Variants in MOG observed in about 807,000 individuals in gnomAD.
The protein encoded by MOG is myelin-oligodendrocyte glycoprotein.
MOG carries 20 observed loss-of-function variants against 35.9 expected under a neutral mutation model. That is an observed-to-expected ratio of 0.56 (90% CI 0.39 to 0.81). The LOEUF (loss-of-function observed/expected upper bound fraction) is 0.81, where lower values mean the gene tolerates loss of function less well. MOG is among the 30% of genes least tolerant of loss of function. The pLI is 0.00. For missense variants in MOG, 251 were observed against 301.0 expected (o/e 0.83, Z 1.23); for synonymous variants, 92 against 114.3 (o/e 0.80, Z 1.25).
rs967215111 is a variant in MOG, at chr6:29,662,688, G to A, written c.436+3022G>A. Reference sequence around the variant, plus strand: ...TTTCTTTTTATTTATTTTGAGACAGGATCTGTCTCTGTCACCCAGGCTGGA... The same window carrying A: ...TTTCTTTTTATTTATTTTGAGACAGAATCTGTCTCTGTCACCCAGGCTGGA... On this transcript the variant is annotated intron_variant, in intron 2 of 7. Coordinates refer to ENST00000376917, the MANE Select transcript of MOG (RefSeq NM_206809.4). The surrounding 1 kb of genome is among the most constrained non-coding windows in gnomAD (Gnocchi z 4.2). Among the ~76,000 whole-genome samples the A allele has an allele frequency of 3.3e-5, 5 of 151,842 alleles. No individual in the cohort carries two copies. Among genetic ancestry groups the A allele is most frequent in the Non-Finnish European group, 7.4e-5 (5 of 67,964 alleles).
intron 3 of MOG, among the ~76,000 whole-genome samples, chr6:29,666,844 CAGAGCAGGA>C (rs2127526080): frequency 6.6e-6 from 1 of 152,288 alleles, no homozygotes; most frequent in Non-Finnish European, 1.5e-5. Flanking sequence ...TCCCCAATGC[CAGAGCAGGA>C]AGAGTCTTCA....
rs1771409471 is a variant in MOG at position 29,671,293 on chromosome 6, G to C, written c.*108G>C. ...CACACTCACTGGCATCTTTGCTATG[G>C]GGACATTCCAATTTGCACTTTCAGG... On this transcript the variant is annotated 3_prime_UTR_variant, in exon 8 of 8. Transcript: ENST00000376917. 1 of 1,611,576 alleles carries C rather than the reference G, an allele frequency of 6.2e-7. No individual in the cohort carries two copies. The highest frequency in any genetic ancestry group is 1.3e-5 in the African/African-American group (1 of 74,872).
At chr6:29,658,884 G>A (rs550389367) in intron 1 of MOG, among the ~76,000 whole-genome samples, 2 of 152,352 alleles carry the variant, frequency 1.3e-5, no homozygotes, top group Admixed American at 6.5e-5. Flanking sequence ...GGCCAAGGCA[G>A]GCGGATCACC....
At chr6:29,667,532 C>T in intron 3 of MOG, 111 bp from the exon 4 acceptor site, 3 of 1,088,054 alleles carry the variant, frequency 2.8e-6, no homozygotes, top group South Asian at 1.2e-5. Flanking sequence ...GAGGTTGTTT[C>T]CAGGCTGCAG....
At chr6:29,661,120 C>T (rs896525503) in intron 2 of MOG, among the ~76,000 whole-genome samples, 2 of 152,152 alleles carry the variant, frequency 1.3e-5, no homozygotes, top group Admixed American at 1.3e-4. Context: ...GGAGGGGGAG[C>T]TTTGAAAGTT....
chr6:29,663,547 T>A (rs1192747870), intron 2 of MOG, among the ~76,000 whole-genome samples: 1 of 152,154 alleles, frequency 6.6e-6, no homozygotes, highest in Admixed American at 6.5e-5. Flanking sequence ...TGTAATACGG[T>A]CCTCCATGCC....
chr6:29,666,139 T>C lies in MOG; in HGVS notation c.437-13T>C. 6.4e-7 allele frequency: 1 copy of C among 1,568,010 alleles called. No individual in the cohort carries two copies. On this transcript the variant is annotated splice_polypyrimidine_tract_variant and intron_variant, in intron 2 of 7. Coordinates refer to ENST00000376917, the MANE Select transcript of MOG (RefSeq NM_206809.4). ...AGCTCTGGACAATGTCAAATGTCAGTCCTGCCTTTCAGATCCTTTCTACTG... is the reference window on the plus strand; with the variant it reads ...AGCTCTGGACAATGTCAAATGTCAGCCCTGCCTTTCAGATCCTTTCTACTG...
At position 29,666,196 on chromosome 6, in the gene MOG, G is replaced by C. The variant is rs773529135; in HGVS notation, c.481G>C (p.Val161Leu). 8.1e-6 allele frequency: 13 copies of C among 1,612,946 alleles called. No homozygotes were observed. Among genetic ancestry groups the C allele is most frequent in the Non-Finnish European group, 1.1e-5 (13 of 1,179,946 alleles). ...VSPGVLVLLA[V>L]LPVLLLQITV... ...CCCTGGAGTGCTGGTTCTCCTCGCG[G>C]TGCTGCCTGTGCTCCTCCTGCAGAT... Residue 161 changes from valine to leucine, a missense_variant, in exon 3 of 8, where the codon GTG becomes CTG. Coordinates refer to ENST00000376917, the MANE Select transcript of MOG (RefSeq NM_206809.4).
rs71674097 is a variant in MOG, at chr6:29,657,255, T to TTCC, written c.65_67dup (p.Leu22dup). 127 of 1,539,436 alleles carry TTCC rather than the reference T, an allele frequency of 8.2e-5. No individual in the cohort carries two copies. Among genetic ancestry groups the TTCC allele is most frequent in the South Asian group, 7.4e-4 (65 of 88,252 alleles). On this transcript the variant is annotated inframe_insertion, in exon 1 of 8. Transcript: ENST00000376917. ...CTCTCTGCCCAGCTGCCTCTGCTCC[T>TTCC]TCCTCCTCCTCCTCCTCCTCCAAGT...
In MOG at chr6:29,657,752, G is replaced by A. The variant is rs1192561135; in HGVS notation, c.88+455G>A. Among the ~76,000 whole-genome samples, 9 of 140,662 alleles carry A rather than the reference G, an allele frequency of 6.4e-5. No individual in the cohort carries two copies. In the East Asian group the frequency reaches 1.1e-3, roughly 16 times the overall value. The allele number at this position is 140,662 out of a possible 152,430, so 92.3% of individuals were successfully genotyped here. On this transcript the variant is annotated intron_variant, in intron 1 of 7. Coordinates refer to ENST00000376917, the MANE Select transcript of MOG (RefSeq NM_206809.4). ...TCTCGATCTCTTGACCTGCTGATCC[G>A]CCCGCCTCAGCTTCCCAAAGTACTG...
chr6:29,669,578 A>G (rs2127535189), intron 5 of MOG, among the ~76,000 whole-genome samples: 1 of 152,332 alleles, frequency 6.6e-6, no homozygotes, highest in East Asian at 1.9e-4. Flanking sequence ...GGCATGAGCC[A>G]CCAGGCCCAG....
intron 1 of MOG, among the ~76,000 whole-genome samples, chr6:29,657,635 C>A (rs1262387160): frequency 2.0e-5 from 3 of 151,338 alleles, no homozygotes; most frequent in African/African-American, 4.9e-5. Flanking sequence ...AGGCGCCTGC[C>A]ACCACACCCA....
chr6:29,661,610 C>T lies in MOG; in HGVS notation c.436+1944C>T, dbSNP rs1299796529. 61 of 927,550 alleles carry T rather than the reference C, an allele frequency of 6.6e-5. No individual in the cohort carries two copies. The African/African-American group carries it at 6.8e-4, about 10-fold the overall frequency. 57.5% of individuals were successfully genotyped at this position (927,550 alleles called of 1,614,324 possible). A position where few individuals can be genotyped will look rare whatever the true frequency, so the allele number is the denominator to read the frequency against. On this transcript the variant is annotated intron_variant, in intron 2 of 7. Transcript: ENST00000376917. ...CCGAGGCGGGTGGATCACCTGAGGT[C>T]GGGAGTTCGAGACTAGCCTGACCAA... is the stretch of plus-strand genomic sequence containing the variant.
intron 2 of MOG, chr6:29,659,883 A>AGTAG (rs1768125672): frequency 1.6e-6 from 1 of 612,968 alleles, no homozygotes; most frequent in African/African-American, 1.8e-5. Context: ...AATGCCTTTG[A>AGTAG]GTAGGTAAGT....
At position 29,667,314 on chromosome 6, in the gene MOG, T is replaced by C. The variant is rs1770425790; in HGVS notation, c.551-329T>C. The stretch of plus-strand genomic sequence containing the variant: ...TCCTCATTCAGATGGGAAGTGGCTT[T>C]AGATAAACAAAGTGGCAACGCAGTG... On this transcript the variant is annotated intron_variant, in intron 3 of 7. Transcript: ENST00000376917. Among the ~76,000 whole-genome samples the C allele has an allele frequency of 2.1e-5, 3 of 146,272 alleles. No individual in the cohort carries two copies. In the South Asian group the frequency reaches 6.5e-4, roughly 32 times the overall value.
intron 2 of MOG, among the ~76,000 whole-genome samples, chr6:29,663,129 C>G (rs1277603917): frequency 6.6e-6 from 1 of 151,900 alleles, no homozygotes; most frequent in Non-Finnish European, 1.5e-5. Flanking sequence ...CAAAATTAGC[C>G]TGGCGTGGTG....
At chr6:29,660,724 CTTTCT>C (rs1768490086) in intron 2 of MOG, among the ~76,000 whole-genome samples, 3 of 144,060 alleles carry the variant, frequency 2.1e-5, no homozygotes, top group East Asian at 2.0e-4. Context: ...TTTTTCCTTT[CTTTCT>C]TTTCTTTTTT....
rs1027816836 is a variant in MOG at position 29,671,350 on chromosome 6, C to T, written c.*165C>T. The T allele has an allele frequency of 9.9e-6, 16 of 1,611,768 alleles. No individual in the cohort carries two copies. The African/African-American group carries it at 1.5e-4, about 15-fold the overall frequency. On this transcript the variant is annotated 3_prime_UTR_variant, in exon 8 of 8. Transcript: ENST00000376917. ...CTGAATTCCAAGTAGAATTGATTTC[C>T]CTTCTTCTGTCATCTACCTTTTCTC...
Position 29,662,024 on chromosome 6 carries a change from G to A in MOG, c.436+2358G>A. 1.0e-6 allele frequency: 1 copy of A among 985,318 alleles called. No individual in the cohort carries two copies. Among genetic ancestry groups the A allele is most frequent in the Non-Finnish European group, 1.2e-6 (1 of 829,922 alleles). 61.0% of individuals were successfully genotyped at this position (985,318 alleles called of 1,614,324 possible). A position where few individuals can be genotyped will look rare whatever the true frequency, so the allele number is the denominator to read the frequency against. The stretch of plus-strand genomic sequence containing the variant: ...GAGCCAGGAAGTTGAGACAAATTTA[G>A]GAATGAGATGAAGTAATGGTATTAT... On this transcript the variant is annotated intron_variant, in intron 2 of 7. Coordinates refer to ENST00000376917, the MANE Select transcript of MOG (RefSeq NM_206809.4). The surrounding 1 kb of genome is among the most constrained non-coding windows in gnomAD (Gnocchi z 4.2).
Sources: gnomAD v4.1 joint callset for allele counts (sites outside exome capture counted in the v4.1 genomes callset) on GRCh38, gnomAD v4.1.1 for gene constraint, Gnocchi (gnomAD v3.1) non-coding constraint, MANE v1.5 for transcripts, NCBI Gene and HGNC (gene_info 2026-07-23, HGNC 2026-07-21) for gene names.